Variants in SGCD observed in about 807,000 individuals in gnomAD.
The protein encoded by SGCD is sarcoglycan delta, also known as delta-sarcoglycan.
SGCD carries 18 observed loss-of-function variants against 36.6 expected under a neutral mutation model. That is an observed-to-expected ratio of 0.49 (90% CI 0.34 to 0.73). SGCD has a LOEUF of 0.73. SGCD is among the 30% of genes least tolerant of loss of function. The pLI, the probability that SGCD is intolerant of heterozygous loss-of-function variation, is 0.01. For missense variants in SGCD, 387 were observed against 346.7 expected, an observed-to-expected ratio of 1.12 and a Z score of -0.92; for synonymous variants, 133 against 130.6, an observed-to-expected ratio of 1.02 and a Z score of -0.12.
At chr5:156,058,240 ATAT>A (rs1355624997) in intron 1 of SGCD, among the ~76,000 whole-genome samples, 1 of 146,378 alleles carries the variant, frequency 6.8e-6, no homozygotes, top group Non-Finnish European at 1.5e-5. Context: ...ATGTTAAGTA[ATAT>A]TATGAGGGAT....
chr5:155,961,456 C>A (rs1039962389), intron 1 of SGCD, among the ~76,000 whole-genome samples: 42 of 152,068 alleles, frequency 2.8e-4, no homozygotes, highest in African/African-American at 9.9e-4. Flanking sequence ...AAGTATGAAT[C>A]ATTGTAAATA....
intron 3 of SGCD, among the ~76,000 whole-genome samples, chr5:156,230,686 G>A (rs62382676): frequency 3.3e-5 from 5 of 152,148 alleles, no homozygotes; most frequent in Middle Eastern, 3.4e-3. Flanking sequence ...TTCTCGATGC[G>A]AACCTCCACA....
intron 4 of SGCD, among the ~76,000 whole-genome samples, chr5:156,539,630 A>G (rs1758270690): frequency 6.6e-6 from 1 of 152,064 alleles, no homozygotes. Context: ...TGGTGTATAT[A>G]TATCATATTT....
At chr5:155,867,060 T>A (rs915394393), upstream of SGCD, among the ~76,000 whole-genome samples, 7 of 151,940 alleles carry the variant, frequency 4.6e-5, no homozygotes, top group Non-Finnish European at 7.4e-5. Flanking sequence ...GAGAAAATGA[T>A]GGAGAGGAAA....
chr5:156,128,903 T>C (rs1272642591), intron 3 of SGCD, among the ~76,000 whole-genome samples: 1 of 152,210 alleles, frequency 6.6e-6, no homozygotes, highest in Non-Finnish European at 1.5e-5. Context: ...CTGTCACACA[T>C]AATAACATGG....
intron 3 of SGCD, among the ~76,000 whole-genome samples, chr5:156,469,080 C>T (rs1171119282): frequency 6.6e-6 from 1 of 152,152 alleles, no homozygotes; most frequent in Admixed American, 6.5e-5. Context: ...TTATTTACGT[C>T]TTTCTCCTTG....
chr5:156,546,351 T>C lies in SGCD; in HGVS notation c.294+37649T>C, dbSNP rs373597038. On this transcript the variant is annotated intron_variant, in intron 4 of 8. Coordinates refer to ENST00000337851, the MANE Select transcript of SGCD (RefSeq NM_000337.6). ...TACTCTTCTGACTTGTTTCTCTATG[T>C]CTCTCATGAAGTTAAATTTGCCTTC... Among the ~76,000 whole-genome samples the C allele has an allele frequency of 2.0e-5, 3 of 152,216 alleles. No homozygotes were observed. In the East Asian group the frequency reaches 5.8e-4, roughly 29 times the overall value.
At chr5:155,871,303 A>C (rs2113275296) in intron 1 of SGCD, among the ~76,000 whole-genome samples, 1 of 152,298 alleles carries the variant, frequency 6.6e-6, no homozygotes, top group East Asian at 1.9e-4. Flanking sequence ...GACCACTACC[A>C]AAACTGCAGG....
intron 3 of SGCD, among the ~76,000 whole-genome samples, chr5:156,502,532 G>T (rs1756504206): frequency 6.6e-6 from 1 of 151,968 alleles, no homozygotes. Flanking sequence ...ATGGTATCTT[G>T]CTATGCTGCC....
chr5:156,020,676 T>C (rs1159959021), intron 1 of SGCD, among the ~76,000 whole-genome samples: 1 of 152,252 alleles, frequency 6.6e-6, no homozygotes, highest in East Asian at 1.9e-4. Context: ...CACCACCCTC[T>C]GCTCCAAAGA....
chr5:156,468,583 G>A (rs772118011), intron 3 of SGCD, among the ~76,000 whole-genome samples: 27 of 152,130 alleles, frequency 1.8e-4, no homozygotes, highest in Non-Finnish European at 2.6e-4. Flanking sequence ...AATCATCCCC[G>A]TTGAATTGTT....
rs1205441301 is a variant in SGCD, at chr5:156,585,227, A to C, written c.295-4004A>C. On this transcript the variant is annotated intron_variant, in intron 4 of 8. Coordinates refer to ENST00000337851, the MANE Select transcript of SGCD (RefSeq NM_000337.6). Reference sequence around the variant, plus strand: ...ATGACTGGAAAAAAATTTCAAAACAATAGAAATCTACCCAAGCATATTTAT... The same window carrying C: ...ATGACTGGAAAAAAATTTCAAAACACTAGAAATCTACCCAAGCATATTTAT... Among the ~76,000 whole-genome samples the C allele has an allele frequency of 2.6e-5, 4 of 152,318 alleles. No homozygotes were observed. The South Asian group carries it at 8.3e-4, about 32-fold the overall frequency.
intron 1 of SGCD, among the ~76,000 whole-genome samples, chr5:156,074,428 A>G (rs80138336): frequency 0.14 from 21,502 of 152,258 alleles, 1,801 homozygotes; most frequent in Non-Finnish European, 0.19. Flanking sequence ...TATTTTAAAA[A>G]TGTGTATTTA....
At chr5:156,650,963 C>T (rs779262665) in intron 7 of SGCD, among the ~76,000 whole-genome samples, 5 of 152,144 alleles carry the variant, frequency 3.3e-5, no homozygotes, top group South Asian at 2.1e-4. Flanking sequence ...TTCCTTTACT[C>T]CACAGTCTCA....
the SGCD span, among the ~76,000 whole-genome samples, chr5:155,759,105 G>A: frequency 2.0e-5 from 3 of 151,798 alleles, no homozygotes; most frequent in Admixed American, 6.6e-5. Context: ...GCCTCCCAAA[G>A]CACTAGGATT....
chr5:156,710,700 T>C (rs1312147473), intron 7 of SGCD, among the ~76,000 whole-genome samples: 1 of 152,204 alleles, frequency 6.6e-6, no homozygotes, highest in Non-Finnish European at 1.5e-5. Flanking sequence ...CTGGAGTCAA[T>C]AGAGTGTCTC....
intron 3 of SGCD, among the ~76,000 whole-genome samples, chr5:156,417,602 G>A (rs376472967): frequency 1.1e-4 from 16 of 152,170 alleles, no homozygotes; most frequent in African/African-American, 3.9e-4. Flanking sequence ...TCTGATGAGG[G>A]CTGTCTTCCT....
intron 3 of SGCD, among the ~76,000 whole-genome samples, chr5:156,505,305 T>C (rs1389542987): frequency 3.3e-5 from 5 of 152,150 alleles, no homozygotes; most frequent in Admixed American, 1.3e-4. Flanking sequence ...AGTGCCAGAA[T>C]AGAAATATAC....
In SGCD at chr5:156,068,406, AATG is replaced by A. The variant is rs1760407303; in HGVS notation, c.-281-49466_-281-49464del. 2.0e-5 allele frequency among the ~76,000 whole-genome samples: 3 copies of A among 152,006 alleles called. No homozygotes were observed. In the South Asian group the frequency reaches 6.2e-4, roughly 32 times the overall value. On this transcript the variant is annotated intron_variant, in intron 1 of 9. Transcript: ENST00000517913. ...TTTGTTCTTGCGATACTTTACTGAG[AATG>A]ATGATTTCCAATTTCATCCATGTCC...
Sources: gnomAD v4.1 joint callset for allele counts (sites outside exome capture counted in the v4.1 genomes callset) on GRCh38, gnomAD v4.1.1 for gene constraint, MANE v1.5 for transcripts, NCBI Gene and HGNC (gene_info 2026-07-23, HGNC 2026-07-21) for gene names.